Variants in PACSIN2 observed in about 807,000 individuals in gnomAD.
PACSIN2 encodes the protein protein kinase C and casein kinase substrate in neurons 2, also known as protein kinase C and casein kinase substrate in neurons protein 2.
Under a neutral mutation model 63.8 loss-of-function variants are expected in PACSIN2, and 25 were observed. The observed-to-expected ratio is 0.39, with a 90% CI of 0.29 to 0.55. The LOEUF is 0.55. Ranked by LOEUF, PACSIN2 falls within the 20% of genes least tolerant of loss-of-function variation. PACSIN2 has a pLI of 0.62. For missense variants in PACSIN2, 518 were observed against 646.9 expected, an observed-to-expected ratio of 0.80 and a Z score of 2.16; for synonymous variants, 255 against 256.2, an observed-to-expected ratio of 1.00 and a Z score of 0.05.
At chr22:42,958,519 C>A (rs938974025) in intron 1 of PACSIN2, among the ~76,000 whole-genome samples, 4 of 152,176 alleles carry the variant, frequency 2.6e-5, no homozygotes, top group Non-Finnish European at 5.9e-5. Context: ...ATAAATACAG[C>A]ATTTAAAATT....
intron 2 of PACSIN2, among the ~76,000 whole-genome samples, chr22:42,893,835 A>C (rs1185445368): frequency 6.6e-6 from 1 of 152,122 alleles, no homozygotes; most frequent in Admixed American, 6.5e-5. Flanking sequence ...GGGCTTCTCA[A>C]TGTTCTTTAG....
intron 1 of PACSIN2, among the ~76,000 whole-genome samples, chr22:42,961,096 C>A (rs146870755): frequency 1.2e-4 from 18 of 152,260 alleles, no homozygotes; most frequent in African/African-American, 4.3e-4. Flanking sequence ...ATGGCCCAAG[C>A]GGGTGTATGT....
intron 1 of PACSIN2, among the ~76,000 whole-genome samples, chr22:42,931,084 A>T (rs1028233334): frequency 1.3e-5 from 2 of 152,372 alleles, no homozygotes. Context: ...CTGCATGCCT[A>T]TTCCAGACGC....
intron 1 of PACSIN2, among the ~76,000 whole-genome samples, chr22:42,970,752 C>G (rs1429979520): frequency 6.6e-6 from 1 of 152,152 alleles, no homozygotes; most frequent in Non-Finnish European, 1.5e-5. Flanking sequence ...AAGCAAGCAC[C>G]TGGAAAGGAA....
intron 1 of PACSIN2, among the ~76,000 whole-genome samples, chr22:42,967,165 G>C (rs908512433): frequency 1.3e-5 from 2 of 152,126 alleles, no homozygotes; most frequent in Non-Finnish European, 2.9e-5. Context: ...GCCAGGAAGA[G>C]ATGTGAGAAG....
intron 1 of PACSIN2, among the ~76,000 whole-genome samples, chr22:42,964,146 G>A (rs1034914566): frequency 6.6e-6 from 1 of 152,206 alleles, no homozygotes; most frequent in African/African-American, 2.4e-5. Context: ...GGCTGGGCAC[G>A]GTGGCCCATG....
chr22:42,900,779 TC>T (rs1163113421), intron 2 of PACSIN2, among the ~76,000 whole-genome samples: 8 of 152,198 alleles, frequency 5.3e-5, no homozygotes, highest in African/African-American at 1.9e-4. Context: ...CGACCTAGTG[TC>T]CCTATTTTAG....
Position 42,874,870 on chromosome 22 carries a change from A to G in PACSIN2, c.1348+1267T>C, listed in dbSNP as rs1374133968. The stretch of plus-strand genomic sequence containing the variant: ...GCATCCGCTTTTTTTTTTTTTTTTG[A>G]AAAAGAGTTTTGCTCTGTCGCCCAG... On this transcript the variant is annotated intron_variant, in intron 10 of 10. Transcript: ENST00000263246. Among the ~76,000 whole-genome samples, 5 of 65,200 alleles carry G rather than the reference A, an allele frequency of 7.7e-5. No homozygotes were observed. In the East Asian group the frequency reaches 1.2e-3, roughly 16 times the overall value. 42.8% of individuals were successfully genotyped at this position (65,200 alleles called of 152,430 possible).
chr22:42,894,270 G>C (rs1280244946), intron 2 of PACSIN2, among the ~76,000 whole-genome samples: 1 of 151,168 alleles, frequency 6.6e-6, no homozygotes, highest in African/African-American at 2.4e-5. Flanking sequence ...TTGAGACACA[G>C]TCTCGCTGTC....
chr22:43,011,674 C>G (rs1924496308), intron 1 of PACSIN2, among the ~76,000 whole-genome samples: 1 of 152,148 alleles, frequency 6.6e-6, no homozygotes, highest in African/African-American at 2.4e-5. Context: ...GTCAGGAGTT[C>G]CAGATCAGCC....
chr22:42,923,992 C>T (rs951160219), intron 1 of PACSIN2, among the ~76,000 whole-genome samples: 2 of 151,346 alleles, frequency 1.3e-5, no homozygotes, highest in Non-Finnish European at 2.9e-5. Flanking sequence ...CAGTGAGTTA[C>T]GATTGTGCCA....
Position 42,871,505 on chromosome 22 carries a change from T to C in PACSIN2, c.1349-36A>G. 1 of 1,488,406 alleles carries C rather than the reference T, an allele frequency of 6.7e-7. No homozygotes were observed. Among genetic ancestry groups the C allele is most frequent in the Non-Finnish European group, 9.4e-7 (1 of 1,064,976 alleles). The allele number at this position is 1,488,406 out of a possible 1,614,324, so 92.2% of individuals were successfully genotyped here. On this transcript the variant is annotated intron_variant, in intron 10 of 10. Transcript: ENST00000263246. The surrounding 1 kb of genome is among the most constrained non-coding windows in gnomAD (Gnocchi z 5.4). ...AAGAGGGAGCCGTCTCCATGAGAGG[T>C]ATGACACCGACGGTGGGCTACAGAG...
rs148391753 is a variant in PACSIN2 at position 43,006,099 on chromosome 22, G to A, written c.-78+8922C>T. On this transcript the variant is annotated intron_variant, in intron 1 of 10. Coordinates refer to ENST00000263246, the MANE Select transcript of PACSIN2 (RefSeq NM_001184970.3). The stretch of plus-strand genomic sequence containing the variant: ...TAAGCCACTGCACTCAGCCACTCAT[G>A]CCTTTATAAAAAGTACCTGAGAGCT... Among the ~76,000 whole-genome samples the A allele has an allele frequency of 3.2e-3, 491 of 152,196 alleles. 3 individuals are homozygous for A. Among genetic ancestry groups the A allele is most frequent in the African/African-American group, 0.011 (465 of 41,528 alleles).
intron 1 of PACSIN2, among the ~76,000 whole-genome samples, chr22:43,014,375 C>CT (rs1220312066): frequency 2.2e-4 from 4 of 18,432 alleles, no homozygotes; most frequent in Non-Finnish European, 3.0e-4. Flanking sequence ...CCACCCCCCC[C>CT]CCCCCGGGAC....
intron 4 of PACSIN2, among the ~76,000 whole-genome samples, chr22:42,889,968 AG>A (rs1929783028): frequency 6.6e-6 from 1 of 152,080 alleles, no homozygotes; most frequent in Non-Finnish European, 1.5e-5. Flanking sequence ...AAAGGAATAA[AG>A]AAAGGCTACT....
chr22:42,874,002 C>A (rs1928376706), intron 10 of PACSIN2, among the ~76,000 whole-genome samples: 1 of 152,092 alleles, frequency 6.6e-6, no homozygotes, highest in Admixed American at 6.5e-5. Context: ...GTTGGCCAGG[C>A]TGGTCTCAAA....
intron 1 of PACSIN2, among the ~76,000 whole-genome samples, chr22:42,966,924 T>TC (rs1920964819): frequency 6.6e-6 from 1 of 152,200 alleles, no homozygotes; most frequent in African/African-American, 2.4e-5. Context: ...TCGGTGTGAT[T>TC]TTTTTCCCCT....
intron 1 of PACSIN2, among the ~76,000 whole-genome samples, chr22:43,012,402 T>C (rs1924562748): frequency 6.6e-6 from 1 of 151,950 alleles, no homozygotes; most frequent in Non-Finnish European, 1.5e-5. Flanking sequence ...TATCCAGGAT[T>C]AGGGAAAAGT....
intron 1 of PACSIN2, among the ~76,000 whole-genome samples, chr22:43,008,962 G>C (rs1457988142): frequency 6.6e-6 from 1 of 152,124 alleles, no homozygotes; most frequent in African/African-American, 2.4e-5. Context: ...TATGAAAAAT[G>C]TGGCAAGAAA....
Sources: gnomAD v4.1 joint callset for allele counts (sites outside exome capture counted in the v4.1 genomes callset) on GRCh38, gnomAD v4.1.1 for gene constraint, Gnocchi (gnomAD v3.1) non-coding constraint, MANE v1.5 for transcripts, NCBI Gene and HGNC (gene_info 2026-07-23, HGNC 2026-07-21) for gene names.